MFSD11: variants seen among roughly 807,000 people sequenced by gnomAD.
MFSD11 encodes major facilitator superfamily domain containing 11, also known as UNC93-like protein MFSD11.
Under a neutral mutation model 53.5 loss-of-function variants are expected in MFSD11, and 36 were observed. The observed-to-expected ratio is 0.67, with a 90% CI of 0.52 to 0.89. The LOEUF (loss-of-function observed/expected upper bound fraction) is 0.89. Ranked by LOEUF, MFSD11 falls within the 40% of genes least tolerant of loss-of-function variation. The pLI is 0.00. For synonymous variants in MFSD11, 186 were observed against 184.9 expected (o/e 1.01, Z -0.05); for missense variants, 530 against 543.9 (o/e 0.97, Z 0.25).
intron 7 of MFSD11, among the ~76,000 whole-genome samples, chr17:76,753,677 G>A (rs1383910266): frequency 1.0e-5 from 1 of 96,692 alleles, no homozygotes; most frequent in Admixed American, 1.4e-4. Context: ...GGTGGAGTGC[G>A]ACCCTGTCTC....
At chr17:76,737,259 G>A, upstream of MFSD11, 1 of 1,433,232 alleles carries the variant, frequency 7.0e-7, no homozygotes, top group Non-Finnish European at 9.2e-7. Flanking sequence ...CTTCCGCGTG[G>A]GGACACTGGG....
chr17:76,772,796 A>C (rs1424609474), intron 10 of MFSD11, among the ~76,000 whole-genome samples: 1 of 152,158 alleles, frequency 6.6e-6, no homozygotes, highest in Non-Finnish European at 1.5e-5. Flanking sequence ...AATTACAGGC[A>C]TGAGCCACTG....
chr17:76,768,364 T>C (rs977320778), intron 9 of MFSD11, among the ~76,000 whole-genome samples: 13 of 151,638 alleles, frequency 8.6e-5, no homozygotes, highest in African/African-American at 3.2e-4. Flanking sequence ...TAATGTGGTA[T>C]GATAGCAGGC....
intron 8 of MFSD11, among the ~76,000 whole-genome samples, chr17:76,757,734 G>A (rs2079794192): frequency 6.6e-6 from 1 of 152,192 alleles, no homozygotes; most frequent in South Asian, 2.1e-4. Flanking sequence ...TCTCAGGCCG[G>A]GCACGGTGGC....
At chr17:76,757,633 A>T (rs979024854) in intron 8 of MFSD11, among the ~76,000 whole-genome samples, 4 of 152,226 alleles carry the variant, frequency 2.6e-5, no homozygotes, top group African/African-American at 9.6e-5. Context: ...ATATGTTCGT[A>T]AAGTTTTTAA....
chr17:76,800,876 A>G, the MFSD11 span, among the ~76,000 whole-genome samples: 1 of 152,150 alleles, frequency 6.6e-6, no homozygotes, highest in Non-Finnish European at 1.5e-5. Context: ...CAGGAGTTCA[A>G]GACCAGCCTG....
the MFSD11 span, among the ~76,000 whole-genome samples, chr17:76,796,235 C>G: frequency 6.6e-6 from 1 of 152,252 alleles, no homozygotes; most frequent in South Asian, 2.1e-4. Flanking sequence ...TCTTCAGGAC[C>G]TGGCATAAGT....
downstream of MFSD11, among the ~76,000 whole-genome samples, chr17:76,779,560 C>T (rs967743068): frequency 6.6e-6 from 1 of 152,134 alleles, no homozygotes; most frequent in Non-Finnish European, 1.5e-5. Flanking sequence ...TCTCAGCTCA[C>T]TGCAACCTCT....
rs2077705417 is a variant in MFSD11, at chr17:76,738,378, T to C, written c.26T>C (p.Phe9Ser). 1 of 1,614,194 alleles carries C rather than the reference T, an allele frequency of 6.2e-7. No homozygotes were observed. The highest frequency in any genetic ancestry group is 2.2e-5 in the East Asian group (1 of 44,886). MSPESKKL[F>S]NIIILGVAFM... ...ATGTCCCCGGAATCTAAAAAGCTTT[T>C]CAACATCATTATTTTAGGAGTTGCC... Residue 9 changes from phenylalanine to serine, a missense_variant, in exon 1 of 13, where the codon TTC (phenylalanine) becomes TCC (serine). By Grantham distance (155) the Phe-to-Ser change is radical (BLOSUM62 -2). Transcript: ENST00000685175.
rs2081853964 is a variant in MFSD11, at chr17:76,776,572, C to T, written c.1185+31C>T. On this transcript the variant is annotated intron_variant, in intron 12 of 12. Coordinates refer to ENST00000685175, the MANE Select transcript of MFSD11 (RefSeq NM_001242532.5). This position sits in a 1 kb window ranked among gnomAD's most constrained non-coding sequence, Gnocchi z 4.2. Reference sequence around the variant, plus strand: ...CTCTTCAGATTGTGATTGTGTTTGACATAGGGCTCTTCCCTTTGTGTATTG... The same window carrying T: ...CTCTTCAGATTGTGATTGTGTTTGATATAGGGCTCTTCCCTTTGTGTATTG... The T allele has an allele frequency of 2.5e-6, 4 of 1,606,578 alleles. No individual in the cohort carries two copies. Among genetic ancestry groups the T allele is most frequent in the Middle Eastern group, 1.7e-4 (1 of 6,060 alleles).
chr17:76,768,022 G>T (rs952152024), intron 9 of MFSD11, among the ~76,000 whole-genome samples: 3 of 152,160 alleles, frequency 2.0e-5, no homozygotes, highest in African/African-American at 7.2e-5. Flanking sequence ...ATCATTTCTG[G>T]ACAGGTGCAG....
intron 3 of MFSD11, among the ~76,000 whole-genome samples, chr17:76,741,629 T>TA (rs1327141082): frequency 1.3e-5 from 2 of 150,938 alleles, no homozygotes; most frequent in East Asian, 3.9e-4. Flanking sequence ...CTACCAAAAA[T>TA]AAAAAAAAAT....
chr17:76,740,173 CAAAAAA>C (rs11289503), intron 2 of MFSD11, among the ~76,000 whole-genome samples: 2 of 76,684 alleles, frequency 2.6e-5, no homozygotes. Flanking sequence ...GGCTCCGTCT[CAAAAAA>C]AAAAAAAAAA....
At chr17:76,747,612 C>T (rs1261127267) in intron 7 of MFSD11, among the ~76,000 whole-genome samples, 2 of 151,964 alleles carry the variant, frequency 1.3e-5, no homozygotes, top group Admixed American at 6.6e-5. Context: ...GGATTACAGG[C>T]GTGAGCCACC....
chr17:76,739,042 T>G (rs1204667993), intron 2 of MFSD11, 49 bp downstream of exon 2: 1 of 1,407,484 alleles, frequency 7.1e-7, no homozygotes, highest in Admixed American at 1.7e-5. Context: ...AGTAGTTGCT[T>G]AAATCTCATC....
rs781545106 is a variant in MFSD11, at chr17:76,776,401, T to A, written c.1050-5T>A. The A allele has an allele frequency of 1.1e-5, 18 of 1,612,232 alleles. No individual in the cohort carries two copies. Among genetic ancestry groups the A allele is most frequent in the Non-Finnish European group, 1.5e-5 (18 of 1,179,514 alleles). The stretch of plus-strand genomic sequence containing the variant: ...TCATACTAAATTGATTTTTATTTTC[T>A]TCAGCAAAGAAGTTGCCATTCTCTG... On this transcript the variant is annotated splice_polypyrimidine_tract_variant and splice_region_variant and intron_variant, in intron 11 of 12. Transcript: ENST00000685175. This position sits in a 1 kb window ranked among gnomAD's most constrained non-coding sequence, Gnocchi z 4.2.
intron 7 of MFSD11, among the ~76,000 whole-genome samples, chr17:76,750,643 A>T (rs2078976303): frequency 6.6e-6 from 1 of 151,968 alleles, no homozygotes; most frequent in Non-Finnish European, 1.5e-5. Flanking sequence ...GGCGTGAGCC[A>T]CCGCGCCTGG....
chr17:76,793,550 G>T, the MFSD11 span, among the ~76,000 whole-genome samples: 1 of 151,282 alleles, frequency 6.6e-6, no homozygotes, highest in African/African-American at 2.5e-5. Context: ...TGCAGTTAAC[G>T]CAATCATCAC....
At chr17:76,769,669 G>A (rs767810792) in intron 9 of MFSD11, 77 bp from the exon 10 acceptor site, 99 of 1,156,252 alleles carry the variant, frequency 8.6e-5, no homozygotes, top group Admixed American at 3.3e-4. Context: ...GTATTCTTTC[G>A]TCAGATACTA....
Sources: gnomAD v4.1 joint callset for allele counts (sites outside exome capture counted in the v4.1 genomes callset) on GRCh38, gnomAD v4.1.1 for gene constraint, Gnocchi (gnomAD v3.1) non-coding constraint, MANE v1.5 for transcripts, NCBI Gene and HGNC (gene_info 2026-07-23, HGNC 2026-07-21) for gene names.